Variants in MAD1L1 observed in about 807,000 individuals in gnomAD.
MAD1L1 encodes the protein mitotic spindle assembly checkpoint protein MAD1.
Under a neutral mutation model 96.9 loss-of-function variants are expected in MAD1L1, and 95 were observed. The observed-to-expected ratio is 0.98, with a 90% confidence interval of 0.83 to 1.16. The LOEUF is 1.16. MAD1L1 is among the 50% of genes most tolerant of loss of function. MAD1L1 has a pLI of 0.00. For missense variants in MAD1L1, 1,007 were observed against 954.4 expected (o/e 1.06, Z -0.73); for synonymous variants, 473 against 396.6 (o/e 1.19, Z -2.29).
chr7:1,889,039 G>A (rs578009053), intron 18 of MAD1L1, among the ~76,000 whole-genome samples: 2 of 152,340 alleles, frequency 1.3e-5, no homozygotes, highest in East Asian at 3.9e-4. Flanking sequence ...AATGTGGCAG[G>A]CATACGGGGT....
At chr7:2,076,200 G>A (rs545592969) in intron 11 of MAD1L1, among the ~76,000 whole-genome samples, 3 of 152,342 alleles carry the variant, frequency 2.0e-5, no homozygotes, top group Admixed American at 6.5e-5. Flanking sequence ...AAACCAGCAC[G>A]TTTTGGGCAG....
chr7:2,042,735 ATGAT>A (rs1372196572), intron 12 of MAD1L1, among the ~76,000 whole-genome samples: 10 of 152,196 alleles, frequency 6.6e-5, no homozygotes, highest in African/African-American at 1.2e-4. Context: ...GCCTTCTGCC[ATGAT>A]CAGAAGCTTC....
chr7:1,936,508 A>G (rs377752752), intron 17 of MAD1L1, among the ~76,000 whole-genome samples, 179 bp downstream of exon 17: 2 of 152,122 alleles, frequency 1.3e-5, no homozygotes, highest in African/African-American at 4.8e-5. Context: ...CCACGGGGCC[A>G]TGGGGACACG....
intron 11 of MAD1L1, among the ~76,000 whole-genome samples, chr7:2,144,829 C>T (rs1304962646): frequency 6.6e-6 from 1 of 152,082 alleles, no homozygotes; most frequent in African/African-American, 2.4e-5. Flanking sequence ...TTCTAAGAGC[C>T]GAAACGAGGC....
intron 12 of MAD1L1, among the ~76,000 whole-genome samples, chr7:2,049,845 A>G (rs1020646626): frequency 4.6e-5 from 7 of 151,470 alleles, no homozygotes; most frequent in Admixed American, 6.6e-5. Context: ...ACCAGACCAC[A>G]CGTTCACAGG....
Position 1,968,300 on chromosome 7 carries a change from G to T in MAD1L1, c.1506-10581C>A, listed in dbSNP as rs1486992318. ...CATCAACGCCTCAGTCCAGCGGTCA[G>T]GTCCACTGTCAACGCCTCAGTCTGG... On this transcript the variant is annotated intron_variant, in intron 15 of 18. Coordinates refer to ENST00000265854, the MANE Select transcript of MAD1L1 (RefSeq NM_001013836.2). The surrounding 1 kb of genome is among the most constrained non-coding windows in gnomAD (Gnocchi z 5.6). 6.6e-6 allele frequency among the ~76,000 whole-genome samples: 1 copy of T among 150,754 alleles called. No individual in the cohort carries two copies. Among genetic ancestry groups the T allele is most frequent in the African/African-American group, 2.5e-5 (1 of 40,710 alleles).
At chr7:1,909,184 G>C (rs1787859374) in intron 17 of MAD1L1, among the ~76,000 whole-genome samples, 1 of 152,264 alleles carries the variant, frequency 6.6e-6, no homozygotes, top group Middle Eastern at 3.4e-3. Flanking sequence ...GTCTGACCTC[G>C]ACGAGAGACG....
chr7:1,895,325 G>C (rs1012564478), intron 18 of MAD1L1, among the ~76,000 whole-genome samples: 3 of 152,172 alleles, frequency 2.0e-5, no homozygotes, highest in African/African-American at 7.2e-5. Flanking sequence ...AACTGTACCT[G>C]CTTTACAGAT....
At chr7:2,092,280 A>T (rs552070608) in intron 11 of MAD1L1, among the ~76,000 whole-genome samples, 1 of 152,312 alleles carries the variant, frequency 6.6e-6, no homozygotes, top group Non-Finnish European at 1.5e-5. Context: ...AATTTCTGAG[A>T]CAGGGTCTCT....
intron 10 of MAD1L1, among the ~76,000 whole-genome samples, chr7:2,211,466 C>T (rs181958975): frequency 1.4e-4 from 21 of 152,388 alleles, no homozygotes; most frequent in Non-Finnish European, 2.8e-4. Flanking sequence ...CCAGGGCAAA[C>T]TGCACACTGG....
At chr7:2,047,411 C>A (rs1274739054) in intron 12 of MAD1L1, among the ~76,000 whole-genome samples, 2 of 152,136 alleles carry the variant, frequency 1.3e-5, no homozygotes, top group African/African-American at 4.8e-5. Context: ...GTGAAGTTAA[C>A]CAAAAGAATA....
chr7:2,062,747 A>T (rs1784717587), intron 12 of MAD1L1, among the ~76,000 whole-genome samples: 1 of 152,292 alleles, frequency 6.6e-6, no homozygotes, highest in Middle Eastern at 3.4e-3. Flanking sequence ...ACTACTGAGA[A>T]CAAGCCTCCC....
intron 10 of MAD1L1, among the ~76,000 whole-genome samples, chr7:2,166,286 G>A (rs1484804221): frequency 6.6e-6 from 1 of 152,214 alleles, no homozygotes; most frequent in Non-Finnish European, 1.5e-5. Flanking sequence ...TGAGTTACAA[G>A]GGTCCCCAGA....
At position 2,094,021 on chromosome 7, in the gene MAD1L1, G is replaced by A. The variant is rs527461870; in HGVS notation, c.1074-24683C>T. ...GCTCTCAGGCCACGCGGGCGCAGAC[G>A]GTCGTCTGTGCAGCTTGCAGGGCCA... On this transcript the variant is annotated intron_variant, in intron 11 of 18. Coordinates refer to ENST00000265854, the MANE Select transcript of MAD1L1 (RefSeq NM_001013836.2). 1.3e-4 allele frequency among the ~76,000 whole-genome samples: 20 copies of A among 152,344 alleles called. No homozygotes were observed. The South Asian group carries it at 3.9e-3, about 30-fold the overall frequency.
At chr7:1,895,473 C>A (rs1361539053) in intron 18 of MAD1L1, among the ~76,000 whole-genome samples, 1 of 152,236 alleles carries the variant, frequency 6.6e-6, no homozygotes, top group Non-Finnish European at 1.5e-5. Context: ...CTCAGCCCCG[C>A]CTGCAAACAT....
At chr7:1,967,836 C>G (rs1373676327) in intron 15 of MAD1L1, among the ~76,000 whole-genome samples, 1 of 148,500 alleles carries the variant, frequency 6.7e-6, no homozygotes, top group African/African-American at 2.6e-5. Flanking sequence ...ACGGCAAACA[C>G]CCTCCAGTCC....
chr7:2,142,391 G>A lies in MAD1L1; in HGVS notation c.1073+6761C>T, dbSNP rs1326618722. 6.6e-6 allele frequency among the ~76,000 whole-genome samples: 1 copy of A among 152,244 alleles called. No homozygotes were observed. The highest frequency in any genetic ancestry group is 1.5e-5 in the Non-Finnish European group (1 of 68,030). On this transcript the variant is annotated intron_variant, in intron 11 of 18. Transcript: ENST00000265854. The surrounding 1 kb of genome is among the most constrained non-coding windows in gnomAD (Gnocchi z 4.7). The stretch of plus-strand genomic sequence containing the variant: ...GAGGCCTCTATGGCGCAGGTGCACT[G>A]TGCGTCCCAGGCATGGTCCGGGGCT...
At chr7:1,901,586 C>A (rs1259088580) in intron 17 of MAD1L1, among the ~76,000 whole-genome samples, 1 of 152,238 alleles carries the variant, frequency 6.6e-6, no homozygotes, top group Non-Finnish European at 1.5e-5. Flanking sequence ...CCATCCCCTG[C>A]CCAGCCCGGC....
At chr7:2,085,521 C>G (rs373626233) in intron 11 of MAD1L1, among the ~76,000 whole-genome samples, 2 of 152,216 alleles carry the variant, frequency 1.3e-5, no homozygotes, top group South Asian at 4.1e-4. Context: ...TCAGGAATGC[C>G]CTGCTTTGAG....
Sources: allele counts gnomAD v4.1 joint callset (sites outside exome capture counted in the v4.1 genomes callset), GRCh38; gene constraint gnomAD v4.1.1; non-coding constraint Gnocchi (gnomAD v3.1); transcripts MANE v1.5; gene names NCBI Gene and HGNC (gene_info 2026-07-23, HGNC 2026-07-21).